The following ESRRG variants were observed in gnomAD, a reference collection of about 807,000 sequenced individuals.
ESRRG encodes estrogen related receptor gamma.
ESRRG carries 13 observed loss-of-function variants against 44.0 expected under a neutral mutation model. The observed-to-expected ratio is 0.30, with a 90% confidence interval of 0.19 to 0.47. The LOEUF is 0.47. ESRRG is among the 20% of genes least tolerant of loss of function. The pLI is 1.00. For synonymous variants in ESRRG, 215 were observed against 214.6 expected, an observed-to-expected ratio of 1.00 and a Z score of -0.02; for missense variants, 395 against 580.6, an observed-to-expected ratio of 0.68 and a Z score of 3.29.
chr1:216,739,634 G>C (rs1477213208), intron 2 of ESRRG, among the ~76,000 whole-genome samples: 1 of 152,164 alleles, frequency 6.6e-6, no homozygotes, highest in Admixed American at 6.5e-5. Context: ...AGCAATCTGT[G>C]CTTTATCAAG....
At chr1:216,841,712 C>T (rs6697946) in intron 2 of ESRRG, among the ~76,000 whole-genome samples, 5,107 of 152,174 alleles carry the variant, frequency 0.034, 301 homozygotes, top group African/African-American at 0.11. Flanking sequence ...CAGATGTAGC[C>T]TGTAGTTTGG....
At chr1:216,629,743 C>T (rs1320910158) in intron 3 of ESRRG, among the ~76,000 whole-genome samples, 1 of 152,094 alleles carries the variant, frequency 6.6e-6, no homozygotes, top group Non-Finnish European at 1.5e-5. Flanking sequence ...AACAGAAATA[C>T]CCTTGCTTTA....
At chr1:217,069,477 C>G (rs1200785374) in intron 1 of ESRRG, among the ~76,000 whole-genome samples, 1 of 151,716 alleles carries the variant, frequency 6.6e-6, no homozygotes, top group Non-Finnish European at 1.5e-5. Context: ...TTCTGTCCCT[C>G]TAGAGAACCC....
At chr1:217,109,745 T>C (rs1292263929) in intron 1 of ESRRG, among the ~76,000 whole-genome samples, 1 of 152,008 alleles carries the variant, frequency 6.6e-6, no homozygotes, top group East Asian at 1.9e-4. Context: ...CATCCAATAG[T>C]CAAGAAAAAA....
chr1:217,094,662 G>A (rs1403365000), intron 1 of ESRRG, among the ~76,000 whole-genome samples: 2 of 152,330 alleles, frequency 1.3e-5, no homozygotes, highest in East Asian at 3.9e-4. Flanking sequence ...AGAGCATGTG[G>A]AGACAAGATG....
intron 1 of ESRRG, among the ~76,000 whole-genome samples, chr1:216,954,612 G>A (rs2067604513): frequency 6.6e-6 from 1 of 152,138 alleles, no homozygotes. Context: ...ATCATGCCTT[G>A]AGCATTCCAC....
chr1:216,821,803 G>A (rs556067916), intron 2 of ESRRG, among the ~76,000 whole-genome samples: 40 of 151,130 alleles, frequency 2.6e-4, no homozygotes, highest in African/African-American at 9.4e-4. Flanking sequence ...ATTTCCTTAT[G>A]ATTCAACCTA....
upstream of ESRRG, among the ~76,000 whole-genome samples, chr1:216,725,595 AC>A (rs1170071911): frequency 2.0e-5 from 3 of 152,174 alleles, no homozygotes. Flanking sequence ...AGACAGAAAA[AC>A]ATCCTTTGAT....
intron 2 of ESRRG, among the ~76,000 whole-genome samples, chr1:216,745,245 A>G (rs2091257177): frequency 6.6e-6 from 1 of 152,032 alleles, no homozygotes; most frequent in African/African-American, 2.4e-5. Flanking sequence ...TGCAGCCTCA[A>G]ACTCCTGGGC....
At chr1:216,866,011 T>G (rs2096150802) in intron 2 of ESRRG, among the ~76,000 whole-genome samples, 1 of 152,228 alleles carries the variant, frequency 6.6e-6, no homozygotes, top group South Asian at 2.1e-4. Flanking sequence ...ATCTTTAGAA[T>G]GTATAATTAT....
At chr1:216,615,602 C>T (rs1214072751) in intron 3 of ESRRG, among the ~76,000 whole-genome samples, 1 of 152,178 alleles carries the variant, frequency 6.6e-6, no homozygotes, top group East Asian at 1.9e-4. Context: ...TTGTGAGAAA[C>T]ATTAATCTCC....
At chr1:216,731,491 C>G (rs1405693074) in intron 2 of ESRRG, among the ~76,000 whole-genome samples, 1 of 152,174 alleles carries the variant, frequency 6.6e-6, no homozygotes, top group Non-Finnish European at 1.5e-5. Context: ...GATTTCATTG[C>G]AAGAGCAAGG....
chr1:216,997,908 C>G (rs1387125080), intron 1 of ESRRG, among the ~76,000 whole-genome samples: 1 of 152,220 alleles, frequency 6.6e-6, no homozygotes, highest in African/African-American at 2.4e-5. Context: ...GTTTGCATGG[C>G]TAAATCGCTT....
chr1:216,507,538 G>A (rs116720482), intron 6 of ESRRG, among the ~76,000 whole-genome samples: 142 of 152,186 alleles, frequency 9.3e-4, no homozygotes, highest in African/African-American at 3.3e-3. Context: ...AAACAACCAC[G>A]GAAGGCCATC....
intron 1 of ESRRG, among the ~76,000 whole-genome samples, chr1:216,713,566 T>C (rs2084120728): frequency 6.6e-6 from 1 of 152,182 alleles, no homozygotes; most frequent in Non-Finnish European, 1.5e-5. Flanking sequence ...TCAGAAATGA[T>C]GTTTAATAGA....
intron 1 of ESRRG, among the ~76,000 whole-genome samples, chr1:216,992,134 G>T (rs1281041073): frequency 6.6e-6 from 1 of 152,122 alleles, no homozygotes; most frequent in Non-Finnish European, 1.5e-5. Context: ...TGGGAATGGG[G>T]GCTTCACCTT....
At chr1:216,727,829 C>A (rs1268129859), upstream of ESRRG, among the ~76,000 whole-genome samples, 2 of 152,156 alleles carry the variant, frequency 1.3e-5, no homozygotes, top group East Asian at 3.9e-4. Context: ...AAAGCCCATT[C>A]TCTGGGGAGC....
rs184573426 is a variant in ESRRG at position 216,607,141 on chromosome 1, G to T, written c.590-39043C>A. ...ATCATGTTACCTAGAAAGTATAAAA[G>T]AAATCTTGTCTATTCCAATGACATT... On this transcript the variant is annotated intron_variant, in intron 3 of 6. Coordinates refer to ENST00000408911, the MANE Select transcript of ESRRG (RefSeq NM_001438.4). 2.0e-5 allele frequency among the ~76,000 whole-genome samples: 3 copies of T among 152,300 alleles called. No homozygotes were observed. In the East Asian group the frequency reaches 5.8e-4, roughly 29 times the overall value.
At chr1:217,084,543 A>G (rs1298876871) in intron 1 of ESRRG, among the ~76,000 whole-genome samples, 1 of 152,220 alleles carries the variant, frequency 6.6e-6, no homozygotes, top group African/African-American at 2.4e-5. Context: ...ATTAGTATCT[A>G]TCAGAATAGG....
Sources: allele counts gnomAD v4.1 joint callset (sites outside exome capture counted in the v4.1 genomes callset), GRCh38; gene constraint gnomAD v4.1.1; transcripts MANE v1.5; gene names NCBI Gene and HGNC (gene_info 2026-07-23, HGNC 2026-07-21).